STK3: variants seen among roughly 807,000 people sequenced by gnomAD.
The protein encoded by STK3 is serine/threonine kinase 3, also known as serine/threonine-protein kinase 3.
STK3 carries 41 observed loss-of-function variants against 58.0 expected under a neutral mutation model. That is an observed-to-expected ratio of 0.71 (90% CI 0.55 to 0.92). The LOEUF is 0.92. STK3 is among the 40% of genes least tolerant of loss of function. STK3 has a pLI of 0.00. For missense variants in STK3, 479 were observed against 602.7 expected (o/e 0.79, Z 2.15); for synonymous variants, 170 against 191.0 (o/e 0.89, Z 0.91).
At chr8:98,813,646 T>C (rs899866576) in intron 1 of STK3, among the ~76,000 whole-genome samples, 3 of 152,206 alleles carry the variant, frequency 2.0e-5, no homozygotes, top group Admixed American at 2.0e-4. Flanking sequence ...TGGACTCTAA[T>C]TTTTATTATC....
At chr8:98,361,585 TAACAA>T in the STK3 span, among the ~76,000 whole-genome samples, 1 of 152,184 alleles carries the variant, frequency 6.6e-6, no homozygotes, top group South Asian at 2.1e-4. Flanking sequence ...TTTATGATCT[TAACAA>T]AAAGGATGGT....
intron 1 of STK3, among the ~76,000 whole-genome samples, chr8:98,778,320 C>G (rs1257636565): frequency 6.6e-6 from 1 of 152,094 alleles, no homozygotes; most frequent in Non-Finnish European, 1.5e-5. Context: ...CAAATCAAAA[C>G]CACAATGAGA....
intron 1 of STK3, among the ~76,000 whole-genome samples, chr8:98,780,762 T>G (rs1253099289): frequency 1.3e-5 from 2 of 152,098 alleles, no homozygotes; most frequent in Non-Finnish European, 2.9e-5. Context: ...CAGGAGAGAT[T>G]TGAACTAGAA....
chr8:98,362,394 C>T, the STK3 span, among the ~76,000 whole-genome samples: 1 of 152,160 alleles, frequency 6.6e-6, no homozygotes, highest in Non-Finnish European at 1.5e-5. Context: ...ACTGTCTGCA[C>T]ACTCCCTTTA....
chr8:98,688,467 T>C (rs557994465), intron 6 of STK3, among the ~76,000 whole-genome samples: 11 of 152,176 alleles, frequency 7.2e-5, no homozygotes, highest in African/African-American at 2.4e-4. Flanking sequence ...CCACAGAATA[T>C]ACATTCTTCT....
chr8:98,795,099 AAAAAATATATAT>A (rs1350149786), intron 1 of STK3, among the ~76,000 whole-genome samples: 8 of 49,640 alleles, frequency 1.6e-4, no homozygotes, highest in Admixed American at 2.5e-4. Flanking sequence ...AAAAAAAAAA[AAAAAATATATAT>A]ATATATATAT....
intron 6 of STK3, among the ~76,000 whole-genome samples, chr8:98,660,602 T>C (rs547779716): frequency 2.6e-5 from 4 of 152,020 alleles, no homozygotes; most frequent in Non-Finnish European, 5.9e-5. Context: ...ATAGCAGCTC[T>C]CTCCATATCA....
At chr8:98,642,166 A>G (rs1384720063) in intron 6 of STK3, among the ~76,000 whole-genome samples, 1 of 152,172 alleles carries the variant, frequency 6.6e-6, no homozygotes, top group East Asian at 1.9e-4. Context: ...GTGAGAGCTC[A>G]AACCAGTGGA....
intron 7 of STK3, among the ~76,000 whole-genome samples, chr8:98,588,888 A>G (rs1228251304): frequency 2.0e-5 from 3 of 149,838 alleles, no homozygotes; most frequent in African/African-American, 4.9e-5. Flanking sequence ...AGTTGATCGC[A>G]TCGGCTCCTG....
intron 7 of STK3, among the ~76,000 whole-genome samples, chr8:98,594,255 G>A (rs1027821541): frequency 3.9e-5 from 6 of 152,034 alleles, no homozygotes; most frequent in African/African-American, 7.2e-5. Context: ...TTCAGTGAGC[G>A]AGATCATGCC....
intron 8 of STK3, among the ~76,000 whole-genome samples, chr8:98,555,089 G>A (rs1190710609): frequency 6.6e-6 from 1 of 152,052 alleles, no homozygotes; most frequent in East Asian, 1.9e-4. Context: ...ACACAGTACT[G>A]ATGATAATCC....
intron 3 of STK3, among the ~76,000 whole-genome samples, chr8:98,758,838 T>G (rs1830451701): frequency 6.6e-6 from 1 of 152,238 alleles, no homozygotes; most frequent in African/African-American, 2.4e-5. Context: ...ATCTTGCACT[T>G]TTATGTTATG....
Position 98,745,405 on chromosome 8 carries a change from T to C in STK3, c.351+3871A>G, listed in dbSNP as rs372377715. ...GAACAGAACTGCTAATAACAAAACT[T>C]GTACTATTTGAAAGAGTTCCACTTC... On this transcript the variant is annotated intron_variant, in intron 4 of 10. Coordinates refer to ENST00000419617, the MANE Select transcript of STK3 (RefSeq NM_006281.4). Among the ~76,000 whole-genome samples the C allele has an allele frequency of 5.9e-5, 9 of 152,142 alleles. 1 individual carries two copies. Among genetic ancestry groups the C allele is most frequent in the Admixed American group, 3.3e-4 (5 of 15,266 alleles).
In STK3 at chr8:98,504,398, T is replaced by C. The variant is rs1282643861; in HGVS notation, c.1317+22344A>G. ...CATTTAGCCCATTTACATTTAAGGT[T>C]ACTATTGTTACGTGTGAATTTGATC... On this transcript the variant is annotated intron_variant, in intron 10 of 10. Coordinates refer to ENST00000419617, the MANE Select transcript of STK3 (RefSeq NM_006281.4). Among the ~76,000 whole-genome samples the C allele has an allele frequency of 2.0e-5, 3 of 152,366 alleles. No homozygotes were observed. The East Asian group carries it at 5.8e-4, about 29-fold the overall frequency.
intron 1 of STK3, among the ~76,000 whole-genome samples, chr8:98,936,456 A>G (rs1489340589): frequency 2.0e-5 from 3 of 152,160 alleles, no homozygotes; most frequent in Non-Finnish European, 2.9e-5. Context: ...ACCATACCAA[A>G]CATCCTCAAT....
At chr8:98,649,892 G>A (rs1820739821) in intron 6 of STK3, among the ~76,000 whole-genome samples, 1 of 152,148 alleles carries the variant, frequency 6.6e-6, no homozygotes, top group Non-Finnish European at 1.5e-5. Context: ...TTCAATTCCA[G>A]TGTAATGTCT....
intron 8 of STK3, among the ~76,000 whole-genome samples, chr8:98,560,521 C>CA (rs573185097): frequency 4.1e-4 from 63 of 151,874 alleles, no homozygotes; most frequent in South Asian, 2.7e-3. Context: ...TACACTGATG[C>CA]AAAAAATAAA....
rs1465415994 is a variant in STK3, at chr8:98,455,889, T to C, written c.1429A>G (p.Ile477Val). Residue 477 changes from isoleucine (I) to valine (V), a missense_variant, in exon 11 of 11, where the codon ATT becomes GTT. Physicochemically the swap from Ile to Val is conservative, Grantham distance 29. This residue lies in a region of STK3 where 309 missense variants were observed against 355.7 expected (regional missense o/e 0.87). Transcript: ENST00000419617. ...TTCTTTGCATCCATCGCATCCAGAA[T>C]GGGCTGTCTTTTCGCAGTGTATCTC... Reference protein sequence around the residue: ...RQRYTAKRQPILDAMDAKKRR... With the variant: ...RQRYTAKRQPVLDAMDAKKRR... 6 of 1,613,852 alleles carry C rather than the reference T, an allele frequency of 3.7e-6. No homozygotes were observed. Among genetic ancestry groups the C allele is most frequent in the South Asian group, 1.1e-5 (1 of 91,042 alleles).
intron 8 of STK3, among the ~76,000 whole-genome samples, chr8:98,567,767 A>G (rs1483962009): frequency 2.0e-5 from 3 of 152,154 alleles, no homozygotes; most frequent in Non-Finnish European, 4.4e-5. Flanking sequence ...ATCAAAAATT[A>G]TAATTTTAGG....
Sources: allele counts gnomAD v4.1 joint callset (sites outside exome capture counted in the v4.1 genomes callset), GRCh38; gene constraint gnomAD v4.1.1; regional missense constraint gnomAD v4.1.1; transcripts MANE v1.5; gene names NCBI Gene and HGNC (gene_info 2026-07-23, HGNC 2026-07-21).